RSRC1: variants seen among roughly 807,000 people sequenced by gnomAD.
RSRC1 encodes the protein serine/Arginine-related protein 53.
RSRC1 carries 39 observed loss-of-function variants against 49.1 expected under a neutral mutation model. The observed-to-expected ratio is 0.79, with a 90% CI of 0.61 to 1.04. The LOEUF (loss-of-function observed/expected upper bound fraction) is 1.04. Among genes scored for constraint, RSRC1 ranks in the 50% least tolerant of loss-of-function variants. RSRC1 has a pLI of 0.00. For missense variants in RSRC1, 388 were observed against 402.4 expected (o/e 0.96, Z 0.31); for synonymous variants, 143 against 130.8 (o/e 1.09, Z -0.63).
At chr3:158,356,174 T>C (rs910037504) in intron 6 of RSRC1, among the ~76,000 whole-genome samples, 1 of 152,024 alleles carries the variant, frequency 6.6e-6, no homozygotes, top group Non-Finnish European at 1.5e-5. Context: ...GACTACTGTA[T>C]ATATTTCTTA....
intron 3 of RSRC1, among the ~76,000 whole-genome samples, chr3:158,174,030 C>T (rs1236715325): frequency 1.3e-5 from 2 of 151,284 alleles, no homozygotes; most frequent in South Asian, 2.1e-4. Context: ...TTATTGTGGT[C>T]GTACAACTTG....
intron 7 of RSRC1, among the ~76,000 whole-genome samples, chr3:158,480,779 G>A (rs2108435517): frequency 6.6e-6 from 1 of 151,970 alleles, no homozygotes; most frequent in Non-Finnish European, 1.5e-5. Context: ...ATTTATATTT[G>A]TGACTGATTA....
intron 5 of RSRC1, among the ~76,000 whole-genome samples, chr3:158,324,311 C>T (rs1269494057): frequency 6.6e-6 from 1 of 151,902 alleles, no homozygotes; most frequent in Admixed American, 6.6e-5. Flanking sequence ...TATACATGTG[C>T]CATGTTGGTG....
chr3:158,381,817 A>G (rs956506568), intron 6 of RSRC1, among the ~76,000 whole-genome samples: 5 of 152,184 alleles, frequency 3.3e-5, no homozygotes, highest in African/African-American at 9.6e-5. Flanking sequence ...CTTACCGTAA[A>G]TAGACTTTGT....
chr3:158,480,435 A>G lies in RSRC1; in HGVS notation c.652+19432A>G, dbSNP rs1221743767. 2.0e-5 allele frequency among the ~76,000 whole-genome samples: 3 copies of G among 152,156 alleles called. No homozygotes were observed. The East Asian group carries it at 5.8e-4, about 29-fold the overall frequency. ...CAAAAAGACATTTCACAGATCTTTCATATATTGAAAAGCCGTATTTGAAGG... is the reference window on the plus strand; with the variant it reads ...CAAAAAGACATTTCACAGATCTTTCGTATATTGAAAAGCCGTATTTGAAGG... On this transcript the variant is annotated intron_variant, in intron 7 of 9. Transcript: ENST00000611884.
At chr3:158,364,638 A>C (rs914722546) in intron 6 of RSRC1, among the ~76,000 whole-genome samples, 2 of 151,978 alleles carry the variant, frequency 1.3e-5, no homozygotes, top group South Asian at 4.1e-4. Context: ...GCAGTACCTG[A>C]TACATAGTAA....
chr3:158,405,299 AT>A (rs1309685816), intron 6 of RSRC1, among the ~76,000 whole-genome samples: 2 of 152,108 alleles, frequency 1.3e-5, no homozygotes, highest in Non-Finnish European at 1.5e-5. Flanking sequence ...TTATACTGCA[AT>A]GATAAACTAT....
At position 158,119,368 on chromosome 3, in the gene RSRC1, A is replaced by G. The variant is rs555118311; in HGVS notation, c.-2-2735A>G. 3.6e-4 allele frequency among the ~76,000 whole-genome samples: 55 copies of G among 152,240 alleles called. No individual in the cohort carries two copies. In the South Asian group the frequency reaches 0.011, roughly 29 times the overall value. ...TGCCAAAAGTTTGTTGACATATCTC[A>G]TGTTCCTGTTGTTTTCTAGTCTCTA... On this transcript the variant is annotated intron_variant, in intron 1 of 9. Coordinates refer to ENST00000611884, the MANE Select transcript of RSRC1 (RefSeq NM_001271838.2).
intron 7 of RSRC1, among the ~76,000 whole-genome samples, chr3:158,529,214 G>GTGTATATATA (rs374368016): frequency 1.4e-4 from 20 of 143,148 alleles, no homozygotes; most frequent in African/African-American, 2.4e-4. Context: ...ATGTGTGTGT[G>GTGTATATATA]TATATATATA....
intron 6 of RSRC1, among the ~76,000 whole-genome samples, chr3:158,451,212 T>A (rs1737006889): frequency 6.6e-6 from 1 of 151,928 alleles, no homozygotes; most frequent in East Asian, 1.9e-4. Flanking sequence ...AGTTGTTTTC[T>A]CCATACTAAC....
intron 4 of RSRC1, among the ~76,000 whole-genome samples, chr3:158,291,863 C>T (rs1726954213): frequency 6.6e-6 from 1 of 152,078 alleles, no homozygotes; most frequent in Non-Finnish European, 1.5e-5. Context: ...TCTAAAAAAT[C>T]TTAGTGTTTT....
chr3:158,116,897 A>G (rs990493763), intron 1 of RSRC1, among the ~76,000 whole-genome samples: 2 of 152,068 alleles, frequency 1.3e-5, no homozygotes, highest in Non-Finnish European at 2.9e-5. Flanking sequence ...TATCTTCAGT[A>G]TAAGATTACT....
At chr3:158,312,717 C>A (rs189987948) in intron 5 of RSRC1, among the ~76,000 whole-genome samples, 55 of 152,174 alleles carry the variant, frequency 3.6e-4, no homozygotes, top group African/African-American at 1.3e-3. Flanking sequence ...GGTTCTCATC[C>A]CTAATCTCCC....
chr3:158,222,469 C>T (rs4635665), intron 4 of RSRC1, among the ~76,000 whole-genome samples: 11,611 of 151,454 alleles, frequency 0.077, 545 homozygotes, highest in South Asian at 0.13. Context: ...GTCATTCCCC[C>T]AGTATTTACA....
intron 6 of RSRC1, among the ~76,000 whole-genome samples, chr3:158,374,601 A>G (rs544698182): frequency 5.0e-4 from 76 of 152,302 alleles, no homozygotes; most frequent in Non-Finnish European, 9.1e-4. Context: ...TAGCTTTCCA[A>G]TATCTGTACA....
At chr3:158,229,800 A>G (rs1722851520) in intron 4 of RSRC1, among the ~76,000 whole-genome samples, 1 of 151,938 alleles carries the variant, frequency 6.6e-6, no homozygotes, top group Non-Finnish European at 1.5e-5. Flanking sequence ...ACACATGTAT[A>G]TTTGTCTGAA....
At chr3:158,446,384 T>G (rs905836943) in intron 6 of RSRC1, among the ~76,000 whole-genome samples, 7 of 151,976 alleles carry the variant, frequency 4.6e-5, no homozygotes, top group Non-Finnish European at 7.4e-5. Flanking sequence ...TTTTTCTGTT[T>G]GATATATTTT....
intron 6 of RSRC1, among the ~76,000 whole-genome samples, chr3:158,380,453 G>A (rs1198706325): frequency 6.6e-6 from 1 of 152,114 alleles, no homozygotes; most frequent in Admixed American, 6.6e-5. Context: ...TCCAGCCTGG[G>A]CAACATAGCA....
chr3:158,280,774 G>A (rs911596997), intron 4 of RSRC1, among the ~76,000 whole-genome samples: 1 of 149,960 alleles, frequency 6.7e-6, no homozygotes, highest in Admixed American at 6.8e-5. Flanking sequence ...AGCCTCCTGA[G>A]TAGCTGGGAC....
Sources: gnomAD v4.1 joint callset for allele counts (sites outside exome capture counted in the v4.1 genomes callset) on GRCh38, gnomAD v4.1.1 for gene constraint, MANE v1.5 for transcripts, NCBI Gene and HGNC (gene_info 2026-07-23, HGNC 2026-07-21) for gene names.